Variants in MMP2 observed in about 807,000 individuals in gnomAD.
MMP2 encodes the protein matrix metallopeptidase 2.
In MMP2, 39 loss-of-function variants were observed where a neutral mutation model predicts 74.8. That is an observed-to-expected ratio of 0.52 (90% CI 0.40 to 0.68). The LOEUF (loss-of-function observed/expected upper bound fraction) is 0.68, where lower values mean the gene tolerates loss of function less well. Among genes scored for constraint, MMP2 ranks in the 30% least tolerant of loss-of-function variants. The pLI is 0.00. For synonymous variants in MMP2, 367 were observed against 339.8 expected, an observed-to-expected ratio of 1.08 and a Z score of -0.88; for missense variants, 803 against 878.3, an observed-to-expected ratio of 0.91 and a Z score of 1.08.
Position 55,498,250 on chromosome 16 carries a change from T to A in MMP2, c.1610-39T>A, listed in dbSNP as rs778420923. The A allele has an allele frequency of 3.1e-5, 50 of 1,612,088 alleles. No homozygotes were observed. The East Asian group carries it at 1.1e-3, about 36-fold the overall frequency. On this transcript the variant is annotated intron_variant, in intron 10 of 12. Coordinates refer to ENST00000219070, the MANE Select transcript of MMP2 (RefSeq NM_004530.6). ...GGGAGGAACAGGCTGGCCTAGGGCA[T>A]GTCAGCACCAGCCAACACACCCTTT... is the stretch of plus-strand genomic sequence containing the variant.
chr16:55,495,611 G>A (rs1472852702), intron 9 of MMP2, among the ~76,000 whole-genome samples: 2 of 152,200 alleles, frequency 1.3e-5, no homozygotes, highest in East Asian at 1.9e-4. Flanking sequence ...ACCTCTCTGA[G>A]CTTCATTTGC....
At chr16:55,491,977 TGGGGGTGGAGGGTGAGGA>T in intron 8 of MMP2, 21 bp downstream of exon 8, 1 of 969,402 alleles carries the variant, frequency 1.0e-6, no homozygotes, top group African/African-American at 2.6e-5. Flanking sequence ...GGGCGGGGGT[TGGGGGTGGAGGGTGAGGA>T]GGGGGGAGGT....
chr16:55,495,687 C>T (rs1223899345), intron 9 of MMP2, among the ~76,000 whole-genome samples: 1 of 152,196 alleles, frequency 6.6e-6, no homozygotes, highest in Non-Finnish European at 1.5e-5. Context: ...GACCATCCCT[C>T]TGCAAACTCA....
At chr16:55,501,295 A>G (rs1162199672) in intron 11 of MMP2, among the ~76,000 whole-genome samples, 1 of 152,228 alleles carries the variant, frequency 6.6e-6, no homozygotes, top group East Asian at 1.9e-4. Flanking sequence ...CTGACACCAC[A>G]GTGCTTGTAT....
In MMP2 at chr16:55,488,625, C is replaced by T. The variant is rs1296640505; in HGVS notation, c.915C>T (p.Cys305=). The T allele has an allele frequency of 6.2e-7, 1 of 1,613,984 alleles. No homozygotes were observed. The highest frequency in any genetic ancestry group is 8.5e-7 in the Non-Finnish European group (1 of 1,179,964). ...TCCAGGGCACATCCTATGACAGCTG[C>T]ACCACTGAGGGCCGCACGGATGGCT... ...FRFQGTSYDS[C]TTEGRTDGYR... is the part of the protein sequence containing the mutation. The change falls in exon 6 of 13, where the codon TGC becomes TGT. Residue 305 remains cysteine, a synonymous_variant. Coordinates refer to ENST00000219070, the MANE Select transcript of MMP2 (RefSeq NM_004530.6).
chr16:55,491,759 TCTTC>T, intron 7 of MMP2, 38 bp from the exon 8 acceptor site: 2 of 1,612,208 alleles, frequency 1.2e-6, no homozygotes, highest in Non-Finnish European at 1.7e-6. Context: ...CTCTCATCTC[TCTTC>T]CTGTCTTTCA....
In MMP2 at chr16:55,482,962, G is replaced by A. The variant is rs745434597; in HGVS notation, c.207G>A (p.Val69=). The change falls in exon 2 of 13, where the codon GTG becomes GTA. Residue 69 remains valine, a synonymous_variant. Transcript: ENST00000219070. ...CCAAGGAGAGCTGCAACCTGTTTGT[G>A]CTGAAGGACACACTAAAGAAGATGC... ...GCPKESCNLF[V]LKDTLKKMQK... The A allele has an allele frequency of 6.2e-7, 1 of 1,614,222 alleles. No homozygotes were observed. The highest frequency in any genetic ancestry group is 1.3e-5 in the African/African-American group (1 of 75,056).
chr16:55,489,334 C>T (rs775852185), intron 6 of MMP2, among the ~76,000 whole-genome samples: 8 of 152,230 alleles, frequency 5.3e-5, no homozygotes, highest in Admixed American at 2.6e-4. Context: ...CCATCTGCCC[C>T]CTTCCATGGG....
intron 3 of MMP2, among the ~76,000 whole-genome samples, chr16:55,484,401 C>T (rs923191567): frequency 2.6e-5 from 4 of 151,986 alleles, no homozygotes; most frequent in East Asian, 3.9e-4. Context: ...CGTCTAAACC[C>T]GAAGCAAGTG....
At chr16:55,486,403 G>T (rs1158268322) in intron 5 of MMP2, among the ~76,000 whole-genome samples, 1 of 149,174 alleles carries the variant, frequency 6.7e-6, no homozygotes, top group African/African-American at 2.5e-5. Flanking sequence ...GGGCACGGGG[G>T]CTATACTATC....
At chr16:55,483,476 T>A (rs1596808180) in intron 2 of MMP2, among the ~76,000 whole-genome samples, 1 of 152,012 alleles carries the variant, frequency 6.6e-6, no homozygotes, top group South Asian at 2.1e-4. Context: ...AGAGCAAGAG[T>A]GTAGTAATGC....
intron 11 of MMP2, among the ~76,000 whole-genome samples, chr16:55,501,521 G>A (rs1421748200): frequency 1.3e-5 from 2 of 152,204 alleles, no homozygotes; most frequent in African/African-American, 2.4e-5. Flanking sequence ...CCTTGGATGG[G>A]AGTGTTGGGA....
At chr16:55,497,162 C>G in intron 10 of MMP2, 100 bp downstream of exon 10, 38 of 1,518,410 alleles carry the variant, frequency 2.5e-5, no homozygotes, top group Non-Finnish European at 3.3e-5. Context: ...ACCACAGTTC[C>G]TATGCACCCG....
intron 7 of MMP2, among the ~76,000 whole-genome samples, chr16:55,490,329 GGGAGCCCCC>G (rs1455714566): frequency 6.6e-6 from 1 of 152,168 alleles, no homozygotes; most frequent in Non-Finnish European, 1.5e-5. Flanking sequence ...GCAGCCCTGG[GGGAGCCCCC>G]AGAGCCCTCT....
At chr16:55,501,560 AC>A (rs5817013) in intron 11 of MMP2, among the ~76,000 whole-genome samples, 204 of 152,256 alleles carry the variant, frequency 1.3e-3, no homozygotes, top group African/African-American at 4.8e-3. Context: ...GGTTTTGGTG[AC>A]CCAGGGCATG....
chr16:55,485,212 T>C, intron 3 of MMP2, 87 bp from the exon 4 acceptor site: 1 of 1,589,434 alleles, frequency 6.3e-7, no homozygotes, highest in Non-Finnish European at 8.6e-7. Context: ...CTGGGTGGGC[T>C]GACAGGCTCC....
At chr16:55,485,484 C>G in intron 4 of MMP2, 57 bp downstream of exon 4, 3 of 1,613,502 alleles carry the variant, frequency 1.9e-6, no homozygotes, top group East Asian at 4.5e-5. Context: ...CTCTCCACTC[C>G]ATTTGCTTGG....
chr16:55,496,734 T>C (rs982163132), intron 9 of MMP2, among the ~76,000 whole-genome samples, 192 bp from the exon 10 acceptor site: 1 of 152,156 alleles, frequency 6.6e-6, no homozygotes, highest in Non-Finnish European at 1.5e-5. Context: ...AGGATGTTTC[T>C]CAGCTCCAGC....
Position 55,497,047 on chromosome 16 carries a change from G to A in MMP2, c.1594G>A (p.Ala532Thr). 2 of 1,614,168 alleles carry A rather than the reference G, an allele frequency of 1.2e-6. No individual in the cohort carries two copies. The highest frequency in any genetic ancestry group is 2.7e-5 in the African/African-American group (2 of 75,068). The change falls in exon 10 of 13, where the codon GCT becomes ACT. Residue 532 changes from alanine (A) to threonine (T), a missense_variant. This residue lies in a region of MMP2 where 555 missense variants were observed against 592.0 expected (regional missense o/e 0.94). Transcript: ENST00000219070. Reference protein sequence around the residue: ...AVYEAPQEEKAVFFAGNEYWI... With the variant: ...AVYEAPQEEKTVFFAGNEYWI... ...ATACGAGGCCCCACAGGAGGAGAAG[G>A]CTGTGTTCTTTGCAGGTGTGTGGGA...
Sources: gnomAD v4.1 joint callset for allele counts (sites outside exome capture counted in the v4.1 genomes callset) on GRCh38, gnomAD v4.1.1 for gene constraint, gnomAD v4.1.1 regional missense constraint, MANE v1.5 for transcripts, NCBI Gene and HGNC (gene_info 2026-07-23, HGNC 2026-07-21) for gene names.